The following SAMMSON variants were observed in gnomAD, a reference collection of about 807,000 sequenced individuals.
The protein encoded by SAMMSON is long intergenic non-protein coding RNA 1212.
At chr3:70,239,213 T>C (rs1436577893) in intron 4 of SAMMSON, among the ~76,000 whole-genome samples, 3 of 152,238 alleles carry the variant, frequency 2.0e-5, no homozygotes, top group Non-Finnish European at 4.4e-5. Flanking sequence ...AGTTCAACTA[T>C]GTCATGAAAT....
chr3:70,379,633 A>G lies in SAMMSON; in HGVS notation n.914-9941A>G, dbSNP rs1439805066. 5.9e-5 allele frequency among the ~76,000 whole-genome samples: 9 copies of G among 152,318 alleles called. No individual in the cohort carries two copies. In the East Asian group the frequency reaches 1.4e-3, roughly 23 times the overall value. ...GCTCAATCAGTCATTGGATATGGTC[A>G]AGACAACTCTCTGTGGCTGAAATGC... On this transcript the variant is annotated intron_variant and non_coding_transcript_variant, in intron 9 of 9. Coordinates refer to ENST00000642114, the Ensembl canonical transcript of SAMMSON.
chr3:70,167,067 TTTTA>T (rs1201328416), intron 4 of SAMMSON, among the ~76,000 whole-genome samples: 1 of 152,032 alleles, frequency 6.6e-6, no homozygotes, highest in Non-Finnish European at 1.5e-5. Context: ...TAATACTACA[TTTTA>T]TTTAACTCAT....
downstream of SAMMSON, among the ~76,000 whole-genome samples, chr3:70,392,587 A>G (rs976559137): frequency 2.6e-5 from 4 of 152,126 alleles, no homozygotes; most frequent in African/African-American, 9.7e-5. Context: ...GAGTCACTCT[A>G]AAGAATGTTT....
chr3:70,231,355 G>C (rs1701558565), intron 4 of SAMMSON, among the ~76,000 whole-genome samples: 1 of 152,134 alleles, frequency 6.6e-6, no homozygotes, highest in African/African-American at 2.4e-5. Context: ...ATCTCTCTCT[G>C]GGATCAAGCT....
At chr3:70,034,014 T>A (rs2067075323) in intron 3 of SAMMSON, among the ~76,000 whole-genome samples, 1 of 152,056 alleles carries the variant, frequency 6.6e-6, no homozygotes, top group Non-Finnish European at 1.5e-5. Flanking sequence ...GGTGACAAGA[T>A]GGATCTATAT....
intron 6 of SAMMSON, among the ~76,000 whole-genome samples, chr3:70,274,289 G>C (rs1265753212): frequency 2.0e-5 from 3 of 151,978 alleles, no homozygotes; most frequent in Non-Finnish European, 4.4e-5. Flanking sequence ...TAGAGCTTTT[G>C]ATTGCAGATA....
chr3:70,100,915 T>G (rs1283016119), intron 4 of SAMMSON, among the ~76,000 whole-genome samples: 1 of 152,236 alleles, frequency 6.6e-6, no homozygotes, highest in Non-Finnish European at 1.5e-5. Flanking sequence ...AGGGTACATA[T>G]TGTTCATATT....
intron 4 of SAMMSON, among the ~76,000 whole-genome samples, chr3:70,114,603 G>A (rs528559281): frequency 1.3e-5 from 2 of 152,218 alleles, no homozygotes; most frequent in South Asian, 4.2e-4. Context: ...CTGCACCTTC[G>A]TGCCTCTGTT....
intron 7 of SAMMSON, among the ~76,000 whole-genome samples, chr3:70,333,294 T>C (rs1225161308): frequency 6.6e-6 from 1 of 152,110 alleles, no homozygotes; most frequent in East Asian, 1.9e-4. Flanking sequence ...GCCAATGAGA[T>C]GTGAGGGGAA....
At chr3:70,004,133 T>TTC (rs1284506011) in intron 1 of SAMMSON, among the ~76,000 whole-genome samples, 1 of 152,114 alleles carries the variant, frequency 6.6e-6, no homozygotes, top group African/African-American at 2.4e-5. Context: ...TGCACAGGTG[T>TTC]TCATGCACAC....
At chr3:70,019,013 A>G (rs1484636393) in intron 3 of SAMMSON, among the ~76,000 whole-genome samples, 2 of 152,186 alleles carry the variant, frequency 1.3e-5, no homozygotes, top group East Asian at 1.9e-4. Context: ...TACGTGGTCA[A>G]TTTTGGAATG....
chr3:70,350,705 G>C (rs1035833052), intron 7 of SAMMSON, among the ~76,000 whole-genome samples: 20 of 152,084 alleles, frequency 1.3e-4, no homozygotes, highest in African/African-American at 4.6e-4. Flanking sequence ...AAGATGAAAT[G>C]AATATAAAGC....
chr3:70,122,026 C>T (rs970035645), intron 4 of SAMMSON, among the ~76,000 whole-genome samples: 3 of 151,916 alleles, frequency 2.0e-5, no homozygotes, highest in Admixed American at 6.6e-5. Context: ...TAACAAGTAT[C>T]GATTTGGTGC....
intron 7 of SAMMSON, among the ~76,000 whole-genome samples, chr3:70,294,960 A>G (rs1702275449): frequency 6.6e-6 from 1 of 152,186 alleles, no homozygotes; most frequent in Non-Finnish European, 1.5e-5. Context: ...CCTGAAGCAA[A>G]CAAAAACCCC....
At chr3:70,010,317 G>A (rs1431424041) in intron 1 of SAMMSON, among the ~76,000 whole-genome samples, 2 of 152,084 alleles carry the variant, frequency 1.3e-5, no homozygotes, top group Admixed American at 1.3e-4. Context: ...ATGAATCTGG[G>A]TGCTCCTGTA....
chr3:70,247,648 A>G (rs1050029737), intron 4 of SAMMSON, among the ~76,000 whole-genome samples: 6 of 151,952 alleles, frequency 3.9e-5, no homozygotes, highest in African/African-American at 1.4e-4. Flanking sequence ...CTCTAATAGC[A>G]CAAGGTAACT....
chr3:70,096,421 G>A (rs2067323106), intron 4 of SAMMSON, among the ~76,000 whole-genome samples: 1 of 152,090 alleles, frequency 6.6e-6, no homozygotes, highest in African/African-American at 2.4e-5. Context: ...GCGCATACCT[G>A]TAGTTCCAGC....
Position 70,347,935 on chromosome 3 carries a change from T to A in SAMMSON, n.740-6240T>A, listed in dbSNP as rs185178882. On this transcript the variant is annotated intron_variant and non_coding_transcript_variant, in intron 7 of 9. Transcript: ENST00000642114. ...GTATATGCCTATAATCCCAGCTACT[T>A]GGGAGACTGAGGCATGAGAATTGCT... Among the ~76,000 whole-genome samples, 49 of 152,060 alleles carry A rather than the reference T, an allele frequency of 3.2e-4. 2 individuals carry two copies. In the South Asian group the frequency reaches 0.01, roughly 31 times the overall value.
chr3:70,274,393 G>T (rs1263199197), intron 6 of SAMMSON, among the ~76,000 whole-genome samples: 1 of 152,088 alleles, frequency 6.6e-6, no homozygotes, highest in Non-Finnish European at 1.5e-5. Context: ...GTATGTGATA[G>T]AAATGAGCAC....
Sources: gnomAD v4.1 joint callset for allele counts (sites outside exome capture counted in the v4.1 genomes callset) on GRCh38, gnomAD v4.1.1 for gene constraint, MANE v1.5 for transcripts, NCBI Gene and HGNC (gene_info 2026-07-23, HGNC 2026-07-21) for gene names.